The following RAB7A variants were observed in gnomAD, a reference collection of about 807,000 sequenced individuals.
RAB7A encodes ras-related protein Rab-7a.
In RAB7A, 2 loss-of-function variants were observed where a neutral mutation model predicts 24.5. The observed-to-expected ratio is 0.08, with a 90% CI of 0.03 to 0.26. RAB7A has a LOEUF of 0.26. Among genes scored for constraint, RAB7A ranks in the 10% least tolerant of loss-of-function variants. The pLI is 1.00. For missense variants in RAB7A, 118 were observed against 255.7 expected, an observed-to-expected ratio of 0.46 and a Z score of 3.67; for synonymous variants, 100 against 95.9, an observed-to-expected ratio of 1.04 and a Z score of -0.25.
intron 3 of RAB7A, among the ~76,000 whole-genome samples, chr3:128,805,000 G>A (rs1559797093): frequency 1.3e-5 from 2 of 152,204 alleles, no homozygotes; most frequent in African/African-American, 4.8e-5. Context: ...AGAATGTGGA[G>A]AGTATCACAT....
Position 128,813,585 on chromosome 3 carries a change from T to TCG in RAB7A, c.*164_*165insGC. ...AACACAGTTACACCCCACATATCTCTCACACACACACACACACGCACACAC... is the reference window on the plus strand; with the variant it reads ...AACACAGTTACACCCCACATATCTCTCGCACACACACACACACACGCACACAC... On this transcript the variant is annotated 3_prime_UTR_variant, in exon 6 of 6. Transcript: ENST00000265062. 1 of 630,172 alleles carries TCG rather than the reference T, an allele frequency of 1.6e-6. No homozygotes were observed. The highest frequency in any genetic ancestry group is 2.9e-6 in the Non-Finnish European group (1 of 341,540). The allele number at this position is 630,172 out of a possible 1,614,324, so 39.0% of individuals were successfully genotyped here. A position where few individuals can be genotyped will look rare whatever the true frequency, so the allele number is the denominator to read the frequency against.
At chr3:128,759,714 T>G (rs2070761866) in intron 1 of RAB7A, among the ~76,000 whole-genome samples, 1 of 148,020 alleles carries the variant, frequency 6.8e-6, no homozygotes, top group African/African-American at 2.5e-5. Context: ...TGATGGTGAC[T>G]TTTTTTTTTT....
At chr3:128,740,653 T>A (rs2070543097) in intron 1 of RAB7A, among the ~76,000 whole-genome samples, 1 of 151,930 alleles carries the variant, frequency 6.6e-6, no homozygotes, top group South Asian at 2.1e-4. Context: ...GCCAGCATTT[T>A]AGGAGGCCAA....
At chr3:128,795,291 G>C (rs1933542098) in intron 1 of RAB7A, 69 bp from the exon 2 acceptor site, 2 of 1,325,984 alleles carry the variant, frequency 1.5e-6, no homozygotes, top group Non-Finnish European at 2.2e-6. Flanking sequence ...TCAGACATTT[G>C]TGCAAGGGAG....
chr3:128,762,264 A>G (rs897019370), intron 1 of RAB7A, among the ~76,000 whole-genome samples: 2 of 152,184 alleles, frequency 1.3e-5, no homozygotes, highest in African/African-American at 4.8e-5. Context: ...TAAAGATGAA[A>G]AAGGCTAAGG....
intron 1 of RAB7A, among the ~76,000 whole-genome samples, chr3:128,782,929 A>G (rs1363705598): frequency 6.6e-6 from 1 of 152,156 alleles, no homozygotes; most frequent in Non-Finnish European, 1.5e-5. Flanking sequence ...ATAATGGGCA[A>G]GAGGTTCAAA....
At chr3:128,771,011 C>G (rs1452094688) in intron 1 of RAB7A, among the ~76,000 whole-genome samples, 1 of 151,430 alleles carries the variant, frequency 6.6e-6, no homozygotes, top group Non-Finnish European at 1.5e-5. Flanking sequence ...ACTCTGTCAC[C>G]CAGGCTGGAG....
chr3:128,766,307 A>G (rs1028666893), intron 1 of RAB7A, among the ~76,000 whole-genome samples: 12 of 152,160 alleles, frequency 7.9e-5, no homozygotes, highest in African/African-American at 2.9e-4. Context: ...TTGTTTAACC[A>G]GTAAGTTTCA....
At chr3:128,811,522 G>T (rs73198869) in intron 5 of RAB7A, among the ~76,000 whole-genome samples, 1 of 152,170 alleles carries the variant, frequency 6.6e-6, no homozygotes, top group Non-Finnish European at 1.5e-5. Context: ...GAAGCCAGTT[G>T]CAAAAAGACC....
chr3:128,749,041 G>A (rs2070649532), intron 1 of RAB7A: 1 of 152,186 alleles, frequency 6.6e-6, no homozygotes, highest in Admixed American at 6.5e-5. Context: ...TGAACCTGCT[G>A]CCAAAGCCAG....
intron 2 of RAB7A, among the ~76,000 whole-genome samples, chr3:128,797,048 G>A (rs1033364668): frequency 2.0e-5 from 3 of 152,052 alleles, no homozygotes; most frequent in Non-Finnish European, 2.9e-5. Context: ...CTCCTACCCC[G>A]CAACTCCATC....
intron 1 of RAB7A, among the ~76,000 whole-genome samples, chr3:128,789,327 C>CTTT (rs10575679): frequency 1.5e-5 from 2 of 131,722 alleles, no homozygotes; most frequent in East Asian, 2.2e-4. Flanking sequence ...ACTTTGTAGC[C>CTTT]TTTTTTTTTT....
chr3:128,766,061 C>G lies in RAB7A; in HGVS notation c.-8-29299C>G, dbSNP rs1037791266. ...ACAGGCATGAGCCACCACACCCAGC[C>G]AGGCCCCACGTCTTAATACTGTCAC... is the stretch of plus-strand genomic sequence containing the variant. On this transcript the variant is annotated intron_variant, in intron 1 of 5. Coordinates refer to ENST00000265062, the MANE Select transcript of RAB7A (RefSeq NM_004637.6). Among the ~76,000 whole-genome samples the G allele has an allele frequency of 6.9e-4, 105 of 152,290 alleles. 2 individuals are homozygous for G. The highest frequency in any genetic ancestry group is 1.3e-3 in the Non-Finnish European group (90 of 68,028).
chr3:128,731,851 T>A (rs1241663707), intron 1 of RAB7A, among the ~76,000 whole-genome samples: 1 of 151,546 alleles, frequency 6.6e-6, no homozygotes, highest in Non-Finnish European at 1.5e-5. Flanking sequence ...ACTAAAAATA[T>A]AAAAATTAGC....
chr3:128,762,132 A>G (rs75181742), intron 1 of RAB7A, among the ~76,000 whole-genome samples: 1 of 152,210 alleles, frequency 6.6e-6, no homozygotes, highest in African/African-American at 2.4e-5. Flanking sequence ...TAATTTATGT[A>G]GGAATACTTT....
chr3:128,769,348 A>G (rs907018021), intron 1 of RAB7A, among the ~76,000 whole-genome samples: 2 of 152,194 alleles, frequency 1.3e-5, no homozygotes, highest in African/African-American at 4.8e-5. Context: ...TCTAATAGGT[A>G]TGTGATGGTG....
chr3:128,727,018 A>G (rs1189467723), intron 1 of RAB7A, among the ~76,000 whole-genome samples: 1 of 152,216 alleles, frequency 6.6e-6, no homozygotes, highest in Non-Finnish European at 1.5e-5. Context: ...GAAAGATGGT[A>G]GTTGGATGTA....
intron 5 of RAB7A, among the ~76,000 whole-genome samples, chr3:128,808,944 T>C (rs1409500652): frequency 1.3e-5 from 2 of 151,988 alleles, no homozygotes; most frequent in Non-Finnish European, 1.5e-5. Context: ...ACAGATCTAC[T>C]CAATGAGGAA....
At chr3:128,777,567 G>A (rs35653243) in intron 1 of RAB7A, among the ~76,000 whole-genome samples, 24,713 of 152,080 alleles carry the variant, frequency 0.16, 2,451 homozygotes, top group South Asian at 0.3. Flanking sequence ...CAGGAGGACT[G>A]TCTCCAATCT....
Sources: gnomAD v4.1 joint callset for allele counts (sites outside exome capture counted in the v4.1 genomes callset) on GRCh38, gnomAD v4.1.1 for gene constraint, MANE v1.5 for transcripts, NCBI Gene and HGNC (gene_info 2026-07-23, HGNC 2026-07-21) for gene names.